The following LRCH1 variants were observed in gnomAD, a reference collection of about 807,000 sequenced individuals.
LRCH1 encodes the protein leucine rich repeats and calponin homology domain containing 1, also known as leucine-rich repeat and calponin homology domain-containing protein 1.
In LRCH1, 23 loss-of-function variants were observed where a neutral mutation model predicts 94.9. The observed-to-expected ratio is 0.24, with a 90% confidence interval of 0.17 to 0.34. The LOEUF (loss-of-function observed/expected upper bound fraction) is 0.34. LRCH1 is among the 10% of genes least tolerant of loss of function. LRCH1 has a pLI of 1.00. For synonymous variants in LRCH1, 364 were observed against 354.9 expected, an observed-to-expected ratio of 1.03 and a Z score of -0.29; for missense variants, 790 against 945.9, an observed-to-expected ratio of 0.84 and a Z score of 2.16.
chr13:46,624,452 C>T (rs1313155371), intron 1 of LRCH1, among the ~76,000 whole-genome samples: 2 of 152,170 alleles, frequency 1.3e-5, no homozygotes, highest in Admixed American at 1.3e-4. Context: ...CTAACCCATC[C>T]CTACTCATTA....
At chr13:46,574,681 G>T (rs76238279) in intron 1 of LRCH1, among the ~76,000 whole-genome samples, 2 of 151,974 alleles carry the variant, frequency 1.3e-5, no homozygotes, top group Non-Finnish European at 2.9e-5. Flanking sequence ...AAACTTATAC[G>T]CATATTCTAA....
intron 7 of LRCH1, among the ~76,000 whole-genome samples, chr13:46,689,717 C>CTGTTT (rs1870803580): frequency 6.6e-6 from 1 of 151,854 alleles, no homozygotes; most frequent in African/African-American, 2.4e-5. Context: ...AGATTGTGTT[C>CTGTTT]TGTTCTGTTC....
At chr13:46,710,735 T>C (rs1206897946) in intron 13 of LRCH1, among the ~76,000 whole-genome samples, 2 of 152,172 alleles carry the variant, frequency 1.3e-5, no homozygotes, top group African/African-American at 4.8e-5. Context: ...CAACAATGAA[T>C]AGGAACAGGC....
intron 1 of LRCH1, among the ~76,000 whole-genome samples, chr13:46,593,963 A>T (rs963620455): frequency 2.0e-5 from 3 of 152,166 alleles, no homozygotes; most frequent in African/African-American, 7.2e-5. Flanking sequence ...AAGTTGATAG[A>T]GTCTTAGGTC....
chr13:46,578,294 G>A (rs2050325721), intron 1 of LRCH1, among the ~76,000 whole-genome samples: 1 of 152,204 alleles, frequency 6.6e-6, no homozygotes, highest in Non-Finnish European at 1.5e-5. Flanking sequence ...CCACTGCCCA[G>A]CCTTAGAAGC....
chr13:46,735,677 G>A (rs1873332976), intron 19 of LRCH1, among the ~76,000 whole-genome samples: 1 of 152,058 alleles, frequency 6.6e-6, no homozygotes, highest in Non-Finnish European at 1.5e-5. Context: ...TCAAATACAG[G>A]CAGTGAATGA....
At chr13:46,647,463 A>G (rs1238993718) in intron 1 of LRCH1, among the ~76,000 whole-genome samples, 3 of 151,788 alleles carry the variant, frequency 2.0e-5, no homozygotes, top group Admixed American at 6.6e-5. Context: ...TTTCTTGTTT[A>G]TGATTTGTCT....
chr13:46,742,926 T>C lies in LRCH1; in HGVS notation c.*1078T>C. ...ATATTAACTAGCAAACTGCTTTAAG[T>C]CAGCTCAAAGGATTATATAGTAACT... On this transcript the variant is annotated 3_prime_UTR_variant, in exon 20 of 20. Transcript: ENST00000389797. 1 of 985,362 alleles carries C rather than the reference T, an allele frequency of 1.0e-6. No individual in the cohort carries two copies. 61.0% of individuals were successfully genotyped at this position (985,362 alleles called of 1,614,324 possible). A position where few individuals can be genotyped will look rare whatever the true frequency, so the allele number is the denominator to read the frequency against.
At position 46,647,750 on chromosome 13, in the gene LRCH1, C is replaced by A. The variant is rs1233387642; in HGVS notation, c.308-2451C>A. ...CCCTTTTCACAGTAGATCTCTGATT[C>A]ATCTAGACTTTATTGAGATAAAAGG... On this transcript the variant is annotated intron_variant, in intron 1 of 19. Coordinates refer to ENST00000389797, the MANE Select transcript of LRCH1 (RefSeq NM_001164211.2). Among the ~76,000 whole-genome samples the A allele has an allele frequency of 3.3e-5, 5 of 151,020 alleles. No homozygotes were observed. In the East Asian group the frequency reaches 9.8e-4, roughly 30 times the overall value.
chr13:46,690,709 C>T (rs1401793852), intron 7 of LRCH1, among the ~76,000 whole-genome samples: 1 of 152,166 alleles, frequency 6.6e-6, no homozygotes, highest in East Asian at 1.9e-4. Flanking sequence ...ACACATCTTG[C>T]CTTTGGCCTT....
chr13:46,564,214 GC>G (rs2050158611), intron 1 of LRCH1, among the ~76,000 whole-genome samples: 1 of 152,130 alleles, frequency 6.6e-6, no homozygotes, highest in Non-Finnish European at 1.5e-5. Context: ...CACAAACGGG[GC>G]CATCAGCCTT....
intron 6 of LRCH1, 61 bp from the exon 7 acceptor site, chr13:46,689,072 T>C (rs1356371238): frequency 7.8e-7 from 1 of 1,276,542 alleles, no homozygotes; most frequent in Non-Finnish European, 1.1e-6. Context: ...TGTTTCTTGG[T>C]GTGAACTTTG....
At chr13:46,618,652 A>G (rs933031974) in intron 1 of LRCH1, among the ~76,000 whole-genome samples, 2 of 152,236 alleles carry the variant, frequency 1.3e-5, no homozygotes, top group African/African-American at 4.8e-5. Flanking sequence ...GTAGTCCTCC[A>G]ATGAAGGCTC....
intron 19 of LRCH1, among the ~76,000 whole-genome samples, chr13:46,735,985 C>T (rs900558676): frequency 1.3e-5 from 2 of 151,718 alleles, no homozygotes; most frequent in Non-Finnish European, 1.5e-5. Flanking sequence ...TTAGTAGACA[C>T]GGGGTTTTAC....
chr13:46,640,345 A>G (rs1374509868), intron 1 of LRCH1, among the ~76,000 whole-genome samples: 1 of 152,216 alleles, frequency 6.6e-6, no homozygotes, highest in East Asian at 1.9e-4. Context: ...TGGAGCCAGT[A>G]CTATTAATGT....
chr13:46,560,393 T>C (rs896926060), intron 1 of LRCH1, among the ~76,000 whole-genome samples: 2 of 152,172 alleles, frequency 1.3e-5, no homozygotes, highest in Non-Finnish European at 2.9e-5. Flanking sequence ...CTTGGGCTTT[T>C]TGGAAAATTG....
intron 19 of LRCH1, 123 bp downstream of exon 19, chr13:46,734,121 A>G (rs563669708): frequency 6.6e-6 from 3 of 453,206 alleles, no homozygotes; most frequent in African/African-American, 2.0e-5. Flanking sequence ...TTTCTTGAGA[A>G]ATAATATTGA....
chr13:46,734,491 C>T (rs1182930141), intron 19 of LRCH1, among the ~76,000 whole-genome samples: 3 of 152,202 alleles, frequency 2.0e-5, no homozygotes, highest in Non-Finnish European at 4.4e-5. Flanking sequence ...TAATCGTTAT[C>T]ATTAATAATA....
chr13:46,641,182 G>C (rs926783510), intron 1 of LRCH1, among the ~76,000 whole-genome samples: 1 of 152,140 alleles, frequency 6.6e-6, no homozygotes, highest in African/African-American at 2.4e-5. Flanking sequence ...GGACATTGCG[G>C]AGCTGAGAGA....
Sources: gnomAD v4.1 joint callset for allele counts (sites outside exome capture counted in the v4.1 genomes callset) on GRCh38, gnomAD v4.1.1 for gene constraint, MANE v1.5 for transcripts, NCBI Gene and HGNC (gene_info 2026-07-23, HGNC 2026-07-21) for gene names.